Variants in ASPRV1 observed in about 807,000 individuals in gnomAD.
ASPRV1 encodes the protein retroviral-like aspartic protease 1.
In ASPRV1, 7 loss-of-function variants were observed where a neutral mutation model predicts 11.0. The ratio of observed to expected loss-of-function variants is 0.64; its 90% CI spans 0.36 to 1.20. ASPRV1 has a LOEUF of 1.20. Among genes scored for constraint, ASPRV1 ranks in the 50% most tolerant of loss-of-function variants. ASPRV1 has a pLI of 0.02. For synonymous variants in ASPRV1, 136 were observed against 138.4 expected (o/e 0.98, Z 0.12); for missense variants, 299 against 320.0 (o/e 0.93, Z 0.50).
the ASPRV1 span, among the ~76,000 whole-genome samples, chr2:69,974,454 T>C: frequency 5.9e-5 from 9 of 152,270 alleles, no homozygotes; most frequent in African/African-American, 2.2e-4. Context: ...TTTTTCATAA[T>C]AGCTGGGTTT....
chr2:69,933,959 A>T, the ASPRV1 span, among the ~76,000 whole-genome samples: 1 of 152,234 alleles, frequency 6.6e-6, no homozygotes. Context: ...CTAAAACCTG[A>T]AGACTCTGAG....
the ASPRV1 span, among the ~76,000 whole-genome samples, chr2:70,048,301 G>C: frequency 6.6e-6 from 1 of 150,984 alleles, no homozygotes; most frequent in South Asian, 2.1e-4. Flanking sequence ...TGTAGTCCCA[G>C]CTACTTGGGA....
chr2:70,076,552 ATACAGATGTTCCTTG>A, the ASPRV1 span, among the ~76,000 whole-genome samples: 2 of 152,198 alleles, frequency 1.3e-5, no homozygotes, highest in African/African-American at 4.8e-5. Context: ...CATTGTACAA[ATACAGATGTTCCTTG>A]ACTTATGATG....
chr2:69,978,611 G>A, the ASPRV1 span, among the ~76,000 whole-genome samples: 48 of 152,298 alleles, frequency 3.2e-4, no homozygotes, highest in African/African-American at 1.1e-3. Context: ...TTACACCAAC[G>A]ACAAGCCACA....
the ASPRV1 span, chr2:70,018,120 G>A: frequency 6.6e-6 from 1 of 151,782 alleles, no homozygotes; most frequent in Admixed American, 6.6e-5. Context: ...GGGCTACAGA[G>A]TGAGACTCCA....
At chr2:70,047,382 A>ACT in the ASPRV1 span, among the ~76,000 whole-genome samples, 1 of 152,214 alleles carries the variant, frequency 6.6e-6, no homozygotes, top group African/African-American at 2.4e-5. Context: ...GACAGGGGAG[A>ACT]CAGCCACTGT....
At chr2:69,988,810 G>A in the ASPRV1 span, 1 of 456,686 alleles carries the variant, frequency 2.2e-6, no homozygotes, top group Non-Finnish European at 4.4e-6. Flanking sequence ...CCTCAAAGCA[G>A]GGGTCAACAT....
the ASPRV1 span, chr2:70,075,302 C>T: frequency 2.2e-5 from 3 of 135,008 alleles, no homozygotes; most frequent in Admixed American, 8.3e-5. Flanking sequence ...AGTAGAGACA[C>T]GGTTTCACCG....
chr2:69,942,807 T>C, the ASPRV1 span: 4 of 152,348 alleles, frequency 2.6e-5, no homozygotes, highest in African/African-American at 9.6e-5. Context: ...GTCAAGATCA[T>C]AGAGAATGGT....
At chr2:69,982,085 T>C in the ASPRV1 span, among the ~76,000 whole-genome samples, 1 of 137,470 alleles carries the variant, frequency 7.3e-6, no homozygotes, top group Non-Finnish European at 1.6e-5. Flanking sequence ...CCATCCATCC[T>C]TCCATCCATC....
At chr2:69,986,973 G>A in the ASPRV1 span, among the ~76,000 whole-genome samples, 2 of 152,206 alleles carry the variant, frequency 1.3e-5, no homozygotes, top group Non-Finnish European at 2.9e-5. Context: ...GCCTGGCAGA[G>A]AGGGGGCTTA....
At chr2:69,988,695 T>C in the ASPRV1 span, 2 of 447,676 alleles carry the variant, frequency 4.5e-6, no homozygotes, top group Admixed American at 4.9e-5. Context: ...GTTATATATA[T>C]TTTACCACAA....
At chr2:70,077,488 G>A in the ASPRV1 span, 1 of 151,610 alleles carries the variant, frequency 6.6e-6, no homozygotes, top group African/African-American at 2.4e-5. Context: ...ACCTTCATTA[G>A]GAAAAAAAAC....
chr2:69,971,351 C>G, the ASPRV1 span: 5 of 152,066 alleles, frequency 3.3e-5, no homozygotes, highest in African/African-American at 1.2e-4. Flanking sequence ...ACACTGAAAA[C>G]TAATCTCCCA....
rs1330014550 is a variant in ASPRV1, at chr2:69,961,171, C to G, written c.266G>C (p.Gly89Ala). 1 of 1,613,746 alleles carries G rather than the reference C, an allele frequency of 6.2e-7. No homozygotes were observed. The highest frequency in any genetic ancestry group is 8.5e-7 in the Non-Finnish European group (1 of 1,179,842). Residue 89 changes from glycine (G) to alanine (A), a missense_variant, in exon 1 of 1, where the codon GGG (glycine) becomes GCG (alanine). Coordinates refer to ENST00000320256, the MANE Select transcript of ASPRV1 (RefSeq NM_152792.4). ...TVKEALLKAF[G>A]VPGAAPSHLP... ...GTGGCTGGGGGCAGCCCCAGGGACC[C>G]CAAAGGCCTTCAGGAGGGCCTCTTT...
At chr2:70,027,403 T>C in the ASPRV1 span, among the ~76,000 whole-genome samples, 1 of 151,166 alleles carries the variant, frequency 6.6e-6, no homozygotes, top group African/African-American at 2.4e-5. Context: ...CTAGGCATAA[T>C]ACATACAAAA....
the ASPRV1 span, among the ~76,000 whole-genome samples, chr2:70,020,277 G>C: frequency 6.6e-6 from 1 of 152,102 alleles, no homozygotes; most frequent in Non-Finnish European, 1.5e-5. Context: ...GTCCTGAAGA[G>C]GTTATTTATT....
At chr2:70,083,195 C>T in the ASPRV1 span, among the ~76,000 whole-genome samples, 1 of 152,182 alleles carries the variant, frequency 6.6e-6, no homozygotes, top group East Asian at 1.9e-4. Context: ...CATCAAAGTC[C>T]ATATCAAAAG....
chr2:70,023,332 G>A, the ASPRV1 span, among the ~76,000 whole-genome samples: 1 of 152,276 alleles, frequency 6.6e-6, no homozygotes, highest in East Asian at 1.9e-4. Context: ...GTCATGATTT[G>A]CAGGGGAGGG....
Sources: gnomAD v4.1 joint callset for allele counts (sites outside exome capture counted in the v4.1 genomes callset) on GRCh38, gnomAD v4.1.1 for gene constraint, MANE v1.5 for transcripts, NCBI Gene and HGNC (gene_info 2026-07-23, HGNC 2026-07-21) for gene names.